MACROD2: variants seen among roughly 807,000 people sequenced by gnomAD.
MACROD2 encodes the protein mono-ADP ribosylhydrolase 2, also known as ADP-ribose glycohydrolase MACROD2.
Under a neutral mutation model 70.4 loss-of-function variants are expected in MACROD2, and 36 were observed. That is an observed-to-expected ratio of 0.51 (90% confidence interval 0.39 to 0.68). MACROD2 has a LOEUF of 0.68. Ranked by LOEUF, MACROD2 falls within the 30% of genes least tolerant of loss-of-function variation. The pLI, the probability that MACROD2 is intolerant of heterozygous loss-of-function variation, is 0.00. For missense variants in MACROD2, 496 were observed against 538.4 expected (o/e 0.92, Z 0.78); for synonymous variants, 172 against 178.8 (o/e 0.96, Z 0.30).
At chr20:14,010,299 T>C (rs971078523) in intron 2 of MACROD2, among the ~76,000 whole-genome samples, 2 of 152,128 alleles carry the variant, frequency 1.3e-5, no homozygotes, top group African/African-American at 4.8e-5. Flanking sequence ...AAGTGGGTCA[T>C]CACAAAAGTC....
intron 5 of MACROD2, among the ~76,000 whole-genome samples, chr20:14,938,743 T>A (rs1249166000): frequency 6.6e-6 from 1 of 152,146 alleles, no homozygotes; most frequent in South Asian, 2.1e-4. Context: ...ATCATGCCAC[T>A]GCACTCCAGC....
chr20:15,283,717 AAAAG>A (rs2077467130), intron 6 of MACROD2, among the ~76,000 whole-genome samples: 1 of 152,132 alleles, frequency 6.6e-6, no homozygotes, highest in Non-Finnish European at 1.5e-5. Context: ...AAGAAAAAGA[AAAAG>A]AAAAATACAT....
chr20:15,439,876 G>A (rs956906925), intron 7 of MACROD2, among the ~76,000 whole-genome samples: 19 of 152,130 alleles, frequency 1.2e-4, no homozygotes, highest in African/African-American at 4.6e-4. Context: ...AGATCCAGAT[G>A]AGGCTTTCAG....
chr20:15,360,577 A>G (rs2078340658), intron 6 of MACROD2, among the ~76,000 whole-genome samples: 2 of 152,060 alleles, frequency 1.3e-5, no homozygotes, highest in South Asian at 4.1e-4. Flanking sequence ...TTAACTTTTA[A>G]TTGTCTTAAC....
chr20:14,284,611 G>C (rs2082329923), intron 3 of MACROD2, among the ~76,000 whole-genome samples: 1 of 152,178 alleles, frequency 6.6e-6, no homozygotes, highest in African/African-American at 2.4e-5. Flanking sequence ...TCTGAGCTAG[G>C]GTGTAGCTGC....
intron 6 of MACROD2, among the ~76,000 whole-genome samples, chr20:15,420,965 A>G (rs1189249410): frequency 3.3e-5 from 5 of 152,102 alleles, no homozygotes; most frequent in African/African-American, 9.7e-5. Flanking sequence ...GTGCGTGCCT[A>G]TGGTCCCAGC....
At chr20:14,782,756 T>A (rs1253772944) in intron 5 of MACROD2, among the ~76,000 whole-genome samples, 1 of 152,112 alleles carries the variant, frequency 6.6e-6, no homozygotes, top group Non-Finnish European at 1.5e-5. Context: ...TCCACTGTAG[T>A]TGTTAATCTC....
chr20:14,538,795 G>A (rs2085398037), intron 4 of MACROD2, among the ~76,000 whole-genome samples: 1 of 152,098 alleles, frequency 6.6e-6, no homozygotes, highest in African/African-American at 2.4e-5. Flanking sequence ...TCTTACTCTA[G>A]GCATCTTATT....
intron 5 of MACROD2, among the ~76,000 whole-genome samples, chr20:14,980,692 T>C (rs764321175): frequency 6.6e-5 from 10 of 152,162 alleles, no homozygotes; most frequent in Admixed American, 2.6e-4. Flanking sequence ...TACATTATTC[T>C]TTACCTTGGT....
intron 5 of MACROD2, among the ~76,000 whole-genome samples, chr20:14,874,696 T>TA (rs1024813660): frequency 4.6e-5 from 7 of 150,680 alleles, no homozygotes; most frequent in African/African-American, 1.7e-4. Context: ...TTTATTTATT[T>TA]ATTTATTTAT....
intron 5 of MACROD2, among the ~76,000 whole-genome samples, chr20:15,018,438 A>G (rs2122954895): frequency 6.6e-6 from 1 of 152,284 alleles, no homozygotes; most frequent in Middle Eastern, 3.4e-3. Flanking sequence ...AAATTTTCCC[A>G]CATTTTCCCA....
At chr20:14,587,505 G>T (rs915952151) in intron 4 of MACROD2, among the ~76,000 whole-genome samples, 1 of 151,586 alleles carries the variant, frequency 6.6e-6, no homozygotes, top group Non-Finnish European at 1.5e-5. Context: ...TTGACATTTC[G>T]TCATTAAAAA....
intron 6 of MACROD2, among the ~76,000 whole-genome samples, chr20:15,268,931 G>A (rs1005756948): frequency 5.9e-5 from 9 of 152,162 alleles, no homozygotes; most frequent in South Asian, 4.1e-4. Context: ...CCATGAAAAA[G>A]TTGATAACTT....
intron 4 of MACROD2, among the ~76,000 whole-genome samples, chr20:14,587,582 G>C (rs1450039499): frequency 1.3e-5 from 2 of 151,730 alleles, no homozygotes; most frequent in Non-Finnish European, 3.0e-5. Context: ...TTTATTTCTA[G>C]GTTATGCAGA....
chr20:15,001,934 C>T lies in MACROD2; in HGVS notation c.419-228006C>T, dbSNP rs866336569. On this transcript the variant is annotated intron_variant, in intron 5 of 17. Coordinates refer to ENST00000684519, the MANE Select transcript of MACROD2 (RefSeq NM_001351661.2). ...GCCTTTGCATCCTCATAGCTTAGCG[C>T]GTGTGCATGCCCACACACACACACA... 9.3e-5 allele frequency among the ~76,000 whole-genome samples: 14 copies of T among 150,864 alleles called. 1 individual carries two copies. Among genetic ancestry groups the T allele is most frequent in the South Asian group, 4.2e-4 (2 of 4,780 alleles).
chr20:15,249,384 A>C (rs1244959328), intron 6 of MACROD2, among the ~76,000 whole-genome samples: 2 of 152,142 alleles, frequency 1.3e-5, no homozygotes, highest in African/African-American at 4.8e-5. Context: ...TGAGACTTTA[A>C]GGTTTTTAAA....
intron 12 of MACROD2, among the ~76,000 whole-genome samples, chr20:15,964,377 T>G (rs2066108294): frequency 6.6e-6 from 1 of 152,106 alleles, no homozygotes; most frequent in African/African-American, 2.4e-5. Context: ...TCTGGTTCCT[T>G]CTAACTGTGT....
chr20:14,733,190 G>A (rs2071618696), intron 5 of MACROD2, among the ~76,000 whole-genome samples: 1 of 152,060 alleles, frequency 6.6e-6, no homozygotes, highest in African/African-American at 2.4e-5. Flanking sequence ...ATGGACTTTG[G>A]AGTTTTAGAC....
intron 3 of MACROD2, among the ~76,000 whole-genome samples, chr20:14,259,445 G>C (rs2082084658): frequency 1.3e-5 from 2 of 152,006 alleles, no homozygotes; most frequent in Admixed American, 1.3e-4. Flanking sequence ...ATTTTGCTTT[G>C]TTTCTGTAGC....
Sources: gnomAD v4.1 joint callset for allele counts (sites outside exome capture counted in the v4.1 genomes callset) on GRCh38, gnomAD v4.1.1 for gene constraint, MANE v1.5 for transcripts, NCBI Gene and HGNC (gene_info 2026-07-23, HGNC 2026-07-21) for gene names.